PCDHA13: variants seen among roughly 807,000 people sequenced by gnomAD.
The protein encoded by PCDHA13 is protocadherin alpha 13, also known as protocadherin alpha-13.
Under a neutral mutation model 64.8 loss-of-function variants are expected in PCDHA13, and 54 were observed. The ratio of observed to expected loss-of-function variants is 0.83; its 90% CI spans 0.67 to 1.04. The LOEUF (loss-of-function observed/expected upper bound fraction) is 1.04. Among genes scored for constraint, PCDHA13 ranks in the 50% least tolerant of loss-of-function variants. The pLI, the probability that PCDHA13 is intolerant of heterozygous loss-of-function variation, is 0.00. For synonymous variants in PCDHA13, 587 were observed against 564.4 expected (o/e 1.04, Z -0.57); for missense variants, 1,248 against 1,254.3 (o/e 0.99, Z 0.08).
intron 1 of PCDHA13, among the ~76,000 whole-genome samples, chr5:140,935,777 T>C (rs1306193430): frequency 6.6e-6 from 1 of 152,190 alleles, no homozygotes; most frequent in African/African-American, 2.4e-5. Flanking sequence ...TTTGAGTTTT[T>C]TCACTTAAAA....
chr5:140,988,900 G>A (rs2097319351), intron 3 of PCDHA13: 1 of 152,194 alleles, frequency 6.6e-6, no homozygotes, highest in Admixed American at 6.5e-5. Context: ...ACATTTTAGA[G>A]GGTGTAGTGA....
chr5:140,906,180 C>T (rs1457176453), intron 1 of PCDHA13, among the ~76,000 whole-genome samples: 1 of 152,132 alleles, frequency 6.6e-6, no homozygotes, highest in Non-Finnish European at 1.5e-5. Flanking sequence ...ACTTTGCATC[C>T]TTCAATCCAA....
chr5:140,989,132 C>T (rs943262599), intron 3 of PCDHA13: 2 of 152,216 alleles, frequency 1.3e-5, no homozygotes, highest in Admixed American at 1.3e-4. Context: ...AAATAAGACA[C>T]TTTATCCCTT....
intron 1 of PCDHA13, among the ~76,000 whole-genome samples, chr5:140,953,196 TA>T (rs1166571162): frequency 6.6e-6 from 1 of 152,156 alleles, no homozygotes; most frequent in Non-Finnish European, 1.5e-5. Context: ...TTGATTAGAC[TA>T]AAAATGCAAA....
At chr5:140,952,057 C>T (rs1214818651) in intron 1 of PCDHA13, among the ~76,000 whole-genome samples, 1 of 152,164 alleles carries the variant, frequency 6.6e-6, no homozygotes, top group Non-Finnish European at 1.5e-5. Flanking sequence ...AATCTTAAAG[C>T]TCCAAATAAT....
intron 3 of PCDHA13, among the ~76,000 whole-genome samples, chr5:140,994,222 CTA>C (rs1219184690): frequency 6.6e-6 from 1 of 152,168 alleles, no homozygotes; most frequent in Non-Finnish European, 1.5e-5. Context: ...CAGGGTCTGT[CTA>C]TGTTATAATC....
At chr5:140,952,146 C>T (rs1204696324) in intron 1 of PCDHA13, among the ~76,000 whole-genome samples, 1 of 152,062 alleles carries the variant, frequency 6.6e-6, no homozygotes, top group African/African-American at 2.4e-5. Context: ...AGCTCCACTC[C>T]TGTGGCTTTG....
intron 1 of PCDHA13, among the ~76,000 whole-genome samples, chr5:140,938,547 C>CTTTTA (rs59072362): frequency 0.32 from 48,749 of 151,290 alleles, 8,071 homozygotes; most frequent in East Asian, 0.53. Flanking sequence ...GATTTTTATC[C>CTTTTA]TTTTATTAAT....
intron 1 of PCDHA13, among the ~76,000 whole-genome samples, chr5:140,933,279 C>T (rs992723234): frequency 6.6e-6 from 1 of 151,840 alleles, no homozygotes; most frequent in African/African-American, 2.4e-5. Flanking sequence ...TCATTTGGAA[C>T]TTGTTTTGGA....
At chr5:140,998,903 G>A (rs1465203456) in intron 3 of PCDHA13, among the ~76,000 whole-genome samples, 9 of 152,156 alleles carry the variant, frequency 5.9e-5, no homozygotes, top group African/African-American at 1.7e-4. Flanking sequence ...CAATGCCTCC[G>A]GGAGGTAGCT....
At chr5:140,971,110 G>A (rs2096457221) in intron 1 of PCDHA13, among the ~76,000 whole-genome samples, 1 of 152,172 alleles carries the variant, frequency 6.6e-6, no homozygotes, top group Admixed American at 6.5e-5. Flanking sequence ...CTTTGGGATT[G>A]GGGTGGGCTA....
At chr5:140,967,919 G>A (rs1554230110) in intron 1 of PCDHA13, 1 of 1,614,212 alleles carries the variant, frequency 6.2e-7, no homozygotes, top group South Asian at 1.1e-5. Flanking sequence ...CACCATTGTG[G>A]CCGTTCTCAG....
Position 141,010,254 on chromosome 5 carries a change from C to T in PCDHA13, c.*317C>T. Reference sequence around the variant, plus strand: ...GCCAGTGAGAGGTTGGACTCTCTGCCCTGTGCTCCGGGGATCCTGTCTTGA... The same window carrying T: ...GCCAGTGAGAGGTTGGACTCTCTGCTCTGTGCTCCGGGGATCCTGTCTTGA... On this transcript the variant is annotated 3_prime_UTR_variant, in exon 4 of 4. Transcript: ENST00000289272. The T allele has an allele frequency of 6.4e-7, 1 of 1,551,810 alleles. No individual in the cohort carries two copies. Among genetic ancestry groups the T allele is most frequent in the Non-Finnish European group, 8.7e-7 (1 of 1,147,018 alleles).
At chr5:140,946,546 A>G (rs1418590491) in intron 1 of PCDHA13, among the ~76,000 whole-genome samples, 5 of 150,480 alleles carry the variant, frequency 3.3e-5, no homozygotes, top group Admixed American at 1.3e-4. Flanking sequence ...AGCATTATTC[A>G]TGATAGTTCA....
intron 1 of PCDHA13, among the ~76,000 whole-genome samples, chr5:140,951,950 G>A (rs1408300368): frequency 6.6e-6 from 1 of 152,120 alleles, no homozygotes; most frequent in Non-Finnish European, 1.5e-5. Flanking sequence ...GCGGGTACAG[G>A]CATTGGGTAA....
intron 1 of PCDHA13, among the ~76,000 whole-genome samples, chr5:140,954,602 A>G (rs2095062634): frequency 6.6e-6 from 1 of 152,120 alleles, no homozygotes; most frequent in South Asian, 2.1e-4. Flanking sequence ...TTCTTTGCCC[A>G]CTTTTTAATG....
At chr5:140,892,363 G>T (rs1485881453) in intron 1 of PCDHA13, among the ~76,000 whole-genome samples, 1 of 152,120 alleles carries the variant, frequency 6.6e-6, no homozygotes, top group African/African-American at 2.4e-5. Context: ...CAGGCATCTT[G>T]GGGCACTAGC....
chr5:140,963,117 AAG>A (rs1292385306), intron 1 of PCDHA13, among the ~76,000 whole-genome samples: 1 of 152,182 alleles, frequency 6.6e-6, no homozygotes, highest in African/African-American at 2.4e-5. Flanking sequence ...CTTATAATTA[AAG>A]AGATAATATT....
chr5:140,957,597 A>G (rs1036559943), intron 1 of PCDHA13, among the ~76,000 whole-genome samples: 4 of 152,168 alleles, frequency 2.6e-5, no homozygotes, highest in Non-Finnish European at 5.9e-5. Context: ...ACTTCCCAGA[A>G]TAAACACACA....
Sources: allele counts gnomAD v4.1 joint callset (sites outside exome capture counted in the v4.1 genomes callset), GRCh38; gene constraint gnomAD v4.1.1; transcripts MANE v1.5; gene names NCBI Gene and HGNC (gene_info 2026-07-23, HGNC 2026-07-21).